MARF1: variants seen among roughly 807,000 people sequenced by gnomAD.
MARF1 encodes the protein limkain-b1.
A neutral mutation model predicts 168.2 loss-of-function variants in MARF1; 24 were observed. The observed-to-expected ratio is 0.14, with a 90% CI of 0.10 to 0.20. The LOEUF (loss-of-function observed/expected upper bound fraction) is 0.20. MARF1 is among the 10% of genes least tolerant of loss of function. MARF1 has a pLI of 1.00. For synonymous variants in MARF1, 868 were observed against 822.4 expected, an observed-to-expected ratio of 1.06 and a Z score of -0.95; for missense variants, 1,744 against 2,143.6, an observed-to-expected ratio of 0.81 and a Z score of 3.68.
chr16:15,618,089 T>TA (rs1264764719), intron 13 of MARF1, among the ~76,000 whole-genome samples: 1 of 152,170 alleles, frequency 6.6e-6, no homozygotes, highest in Non-Finnish European at 1.5e-5. Flanking sequence ...TGTGTGACCT[T>TA]AGTCAAGTTC....
intron 16 of MARF1, among the ~76,000 whole-genome samples, chr16:15,612,988 C>T (rs1434948445): frequency 6.6e-6 from 1 of 152,168 alleles, no homozygotes; most frequent in African/African-American, 2.4e-5. Flanking sequence ...CAAATGCTGT[C>T]CCACTAATCC....
chr16:15,613,918 A>G (rs1315297669), intron 16 of MARF1, among the ~76,000 whole-genome samples: 3 of 152,090 alleles, frequency 2.0e-5, no homozygotes, highest in African/African-American at 7.2e-5. Flanking sequence ...GGGAGAAGCA[A>G]AAGTGTTGGG....
chr16:15,634,843 A>C lies in MARF1; in HGVS notation c.920T>G (p.Leu307Arg), dbSNP rs1270020673. The change falls in exon 4 of 27, where the codon CTG (leucine) becomes CGG (arginine). Residue 307 changes from leucine to arginine, a missense_variant. Around this residue, in one of 7 missense-constraint regions of MARF1, gnomAD observed 217 missense variants for 372.4 expected, o/e 0.58. Coordinates refer to ENST00000396368, the MANE Select transcript of MARF1 (RefSeq NM_014647.4). ...NTQPAPLAVP[L>R]CNGCGTKGTG... ...TCCTTTGGTTCCACAGCCATTACAC[A>C]GAGGGACAGCAAGAGGTGCAGGTTG... 2 of 1,614,160 alleles carry C rather than the reference A, an allele frequency of 1.2e-6. No individual in the cohort carries two copies. Among genetic ancestry groups the C allele is most frequent in the Non-Finnish European group, 1.7e-6 (2 of 1,180,008 alleles).
At chr16:15,636,868 C>A (rs2035632401) in intron 2 of MARF1, among the ~76,000 whole-genome samples, 1 of 152,014 alleles carries the variant, frequency 6.6e-6, no homozygotes, top group Admixed American at 6.5e-5. Context: ...CCCAGATGGC[C>A]CATCCGTGTT....
chr16:15,632,581 C>A (rs1236296758), intron 5 of MARF1, among the ~76,000 whole-genome samples: 1 of 152,146 alleles, frequency 6.6e-6, no homozygotes, highest in Admixed American at 6.5e-5. Context: ...GGGAGGATAT[C>A]CCCTAAGGGA....
At chr16:15,633,407 ATGATGGCG>A (rs2151282762) in intron 5 of MARF1, among the ~76,000 whole-genome samples, 1 of 152,200 alleles carries the variant, frequency 6.6e-6, no homozygotes, top group African/African-American at 2.4e-5. Context: ...TGAGCCGAGC[ATGATGGCG>A]TGCATCTGTG....
rs984646754 is a variant in MARF1, at chr16:15,620,852, T to C, written c.2640-321A>G. Reference sequence around the variant, plus strand: ...ACTGCAGTTTGTTAGATATATGTGATTGGCGTTCCCATAGATAAGGATACA... The same window carrying C: ...ACTGCAGTTTGTTAGATATATGTGACTGGCGTTCCCATAGATAAGGATACA... On this transcript the variant is annotated intron_variant, in intron 12 of 26. Transcript: ENST00000396368. Among the ~76,000 whole-genome samples, 6 of 152,308 alleles carry C rather than the reference T, an allele frequency of 3.9e-5. No individual in the cohort carries two copies. The South Asian group carries it at 6.2e-4, about 16-fold the overall frequency.
chr16:15,625,221 T>C (rs749536106), intron 8 of MARF1, 48 bp from the exon 9 acceptor site: 4 of 1,601,726 alleles, frequency 2.5e-6, no homozygotes, highest in Non-Finnish European at 2.6e-6. Context: ...GTACCCAAGA[T>C]GTGTTAGATC....
At chr16:15,617,602 C>A (rs2034164177) in intron 13 of MARF1, 67 bp from the exon 14 acceptor site, 3 of 1,034,916 alleles carry the variant, frequency 2.9e-6, no homozygotes, top group South Asian at 1.4e-5. Flanking sequence ...AACACGCATC[C>A]TGTTTAAATA....
Position 15,612,674 on chromosome 16 carries a change from T to C in MARF1, c.3357A>G (p.Ile1119Met), listed in dbSNP as rs1306959573. The change falls in exon 17 of 27, where the codon ATA (isoleucine) becomes ATG (methionine). Residue 1119 changes from isoleucine (I) to methionine (M), a missense_variant. Around this residue, in one of 7 missense-constraint regions of MARF1, gnomAD observed 543 missense variants for 742.1 expected, o/e 0.73. Transcript: ENST00000396368. ...DLLKSQPSCV[I>M]PISHFIPSYH... is the part of the protein sequence containing the mutation. Reference sequence around the variant, plus strand: ...AGGATGGGATGAAATGACTGATGGGTATGACACAAGATGGCTGGCTTTTCA... The same window carrying C: ...AGGATGGGATGAAATGACTGATGGGCATGACACAAGATGGCTGGCTTTTCA... 6.2e-7 allele frequency: 1 copy of C among 1,614,162 alleles called. No individual in the cohort carries two copies.
rs1219306685 is a variant in MARF1 at position 15,639,079 on chromosome 16, C to T, written c.144+11G>A. The T allele has an allele frequency of 1.2e-6, 2 of 1,612,018 alleles. No individual in the cohort carries two copies. Among genetic ancestry groups the T allele is most frequent in the Non-Finnish European group, 1.7e-6 (2 of 1,179,102 alleles). On this transcript the variant is annotated intron_variant, in intron 2 of 26. Coordinates refer to ENST00000396368, the MANE Select transcript of MARF1 (RefSeq NM_014647.4). ...GGAATCTGCTACATCCTTAGTCTTG[C>T]ATATAGTTACCGTTTGGGGACTATG... is the stretch of plus-strand genomic sequence containing the variant.
chr16:15,634,680 G>A (rs2151291589), intron 4 of MARF1, 77 bp downstream of exon 4: 3 of 1,379,862 alleles, frequency 2.2e-6, no homozygotes, highest in Middle Eastern at 3.7e-4. Flanking sequence ...ATCCTTCAAA[G>A]GTGATTAAAT....
chr16:15,636,787 A>G (rs1049066941), intron 2 of MARF1, among the ~76,000 whole-genome samples: 4 of 152,216 alleles, frequency 2.6e-5, no homozygotes, highest in African/African-American at 9.6e-5. Context: ...TGGTCAGGCC[A>G]TAAGGGGTTT....
chr16:15,629,786 T>A (rs2035126616), intron 7 of MARF1, among the ~76,000 whole-genome samples: 1 of 152,186 alleles, frequency 6.6e-6, no homozygotes, highest in Admixed American at 6.5e-5. Flanking sequence ...TCCCAGTATA[T>A]GGCATAAACA....
chr16:15,598,733 G>A, intron 26 of MARF1, 121 bp downstream of exon 26: 1 of 965,206 alleles, frequency 1.0e-6, no homozygotes, highest in Non-Finnish European at 1.6e-6. Flanking sequence ...AATCAGCACA[G>A]TGTTTTCCAC....
chr16:15,604,508 CT>C (rs771454240), intron 21 of MARF1, 110 bp from the exon 22 acceptor site: 39 of 708,212 alleles, frequency 5.5e-5, no homozygotes, highest in Admixed American at 2.5e-4. Flanking sequence ...TGAAAAATCT[CT>C]AATTTTTTTC....
At chr16:15,630,872 T>C (rs1255779983) in intron 6 of MARF1, among the ~76,000 whole-genome samples, 1 of 151,358 alleles carries the variant, frequency 6.6e-6, no homozygotes, top group African/African-American at 2.4e-5. Context: ...GGTTCACGCC[T>C]GTAATCCCAG....
intron 16 of MARF1, among the ~76,000 whole-genome samples, chr16:15,613,798 G>T (rs981611263): frequency 1.3e-5 from 2 of 152,160 alleles, no homozygotes; most frequent in Non-Finnish European, 2.9e-5. Context: ...AGAGGGAAAA[G>T]AAAGGAGGTG....
rs751865922 is a variant in MARF1 at position 15,596,646 on chromosome 16, G to T, written c.*47C>A. 20 of 1,515,302 alleles carry T rather than the reference G, an allele frequency of 1.3e-5. No homozygotes were observed. Among genetic ancestry groups the T allele is most frequent in the Non-Finnish European group, 1.8e-5 (20 of 1,128,318 alleles). 93.9% of individuals were successfully genotyped at this position (1,515,302 alleles called of 1,614,324 possible). A position where few individuals can be genotyped will look rare whatever the true frequency, so the allele number is the denominator to read the frequency against. ...TTTTTGAAACCCACTTTTGTGTGCA[G>T]AATCAGACAGTGTTTTCCCATCCTA... On this transcript the variant is annotated 3_prime_UTR_variant, in exon 27 of 27. Transcript: ENST00000396368.
Sources: allele counts gnomAD v4.1 joint callset (sites outside exome capture counted in the v4.1 genomes callset), GRCh38; gene constraint gnomAD v4.1.1; regional missense constraint gnomAD v4.1.1; transcripts MANE v1.5; gene names NCBI Gene and HGNC (gene_info 2026-07-23, HGNC 2026-07-21).